The following BTBD9 variants were observed in gnomAD, a reference collection of about 807,000 sequenced individuals.
BTBD9 encodes BTB/POZ domain-containing protein 9.
A neutral mutation model predicts 64.3 loss-of-function variants in BTBD9; 49 were observed. The ratio of observed to expected loss-of-function variants is 0.76; its 90% CI spans 0.61 to 0.97. BTBD9 has a LOEUF of 0.97. Among genes scored for constraint, BTBD9 ranks in the 50% least tolerant of loss-of-function variants. The probability of loss-of-function intolerance (pLI) is 0.00; values close to 1 mark genes in which losing one functional copy is unlikely to be tolerated. For synonymous variants in BTBD9, 260 were observed against 274.7 expected, an observed-to-expected ratio of 0.95 and a Z score of 0.53; for missense variants, 598 against 762.1, an observed-to-expected ratio of 0.78 and a Z score of 2.53.
chr6:38,267,337 G>C (rs773365111), intron 8 of BTBD9, among the ~76,000 whole-genome samples: 3 of 152,240 alleles, frequency 2.0e-5, no homozygotes, highest in Non-Finnish European at 4.4e-5. Context: ...ACACATTAAA[G>C]AGCTCAAAAT....
In BTBD9 at chr6:38,586,364, C is replaced by T. The variant is rs190833142; in HGVS notation, c.815-5927G>A. 1.7e-3 allele frequency among the ~76,000 whole-genome samples: 258 copies of T among 151,762 alleles called. 1 individual carries two copies. Among genetic ancestry groups the T allele is most frequent in the African/African-American group, 6.0e-3 (247 of 41,384 alleles). ...GCATAAAACTAGTCTAAACTACCTT[C>T]CAGAAAGACCATCACAGATAAGTTT... On this transcript the variant is annotated intron_variant, in intron 4 of 10. Transcript: ENST00000481247.
rs1766823222 is a variant in BTBD9 at position 38,172,218 on chromosome 6, G to C, written c.*2767C>G. 6.6e-6 allele frequency: 1 copy of C among 152,376 alleles called. No individual in the cohort carries two copies. The highest frequency in any genetic ancestry group is 6.5e-5 in the Admixed American group (1 of 15,292). 9.4% of individuals were successfully genotyped at this position (152,376 alleles called of 1,614,324 possible). Reference sequence around the variant, plus strand: ...TGGGCTGAGGGCTCTGTGGTGCCCAGGAGCCCTCCCAGCCACGTGCCAGCC... The same window carrying C: ...TGGGCTGAGGGCTCTGTGGTGCCCACGAGCCCTCCCAGCCACGTGCCAGCC... On this transcript the variant is annotated 3_prime_UTR_variant, in exon 11 of 11. Transcript: ENST00000481247.
chr6:38,248,238 G>A (rs909095604), intron 9 of BTBD9, among the ~76,000 whole-genome samples: 1 of 152,096 alleles, frequency 6.6e-6, no homozygotes, highest in African/African-American at 2.4e-5. Flanking sequence ...TTACTCAGAA[G>A]GGAATTTAGA....
intron 6 of BTBD9, among the ~76,000 whole-genome samples, chr6:38,518,441 A>C (rs894642226): frequency 6.6e-6 from 1 of 152,200 alleles, no homozygotes; most frequent in African/African-American, 2.4e-5. Flanking sequence ...GGAGATCTCT[A>C]GGGAGATTCT....
intron 7 of BTBD9, among the ~76,000 whole-genome samples, chr6:38,301,861 C>T (rs1762415468): frequency 6.6e-6 from 1 of 152,218 alleles, no homozygotes; most frequent in East Asian, 1.9e-4. Context: ...CTATTTCCTT[C>T]AGTTCTGCTC....
At chr6:38,201,582 G>A (rs1762464071) in intron 9 of BTBD9, among the ~76,000 whole-genome samples, 1 of 152,184 alleles carries the variant, frequency 6.6e-6, no homozygotes, top group South Asian at 2.1e-4. Flanking sequence ...AGTACTAGAA[G>A]TCATAGGCAG....
intron 6 of BTBD9, among the ~76,000 whole-genome samples, chr6:38,366,893 G>A (rs558296192): frequency 6.6e-6 from 1 of 152,332 alleles, no homozygotes; most frequent in African/African-American, 2.4e-5. Flanking sequence ...CGCTGCATCG[G>A]TCTTTGGTTA....
intron 6 of BTBD9, among the ~76,000 whole-genome samples, chr6:38,490,686 TC>T (rs1402495389): frequency 6.6e-6 from 1 of 152,156 alleles, no homozygotes; most frequent in African/African-American, 2.4e-5. Context: ...TGCTAGATGT[TC>T]CAGGCTAGTC....
chr6:38,366,320 C>T (rs566369899), intron 6 of BTBD9, among the ~76,000 whole-genome samples: 66 of 152,270 alleles, frequency 4.3e-4, no homozygotes, highest in African/African-American at 1.4e-3. Flanking sequence ...CATACACAGG[C>T]ATTGCTCTGC....
At chr6:38,232,298 T>A (rs1233733763) in intron 9 of BTBD9, among the ~76,000 whole-genome samples, 1 of 151,046 alleles carries the variant, frequency 6.6e-6, no homozygotes, top group African/African-American at 2.4e-5. Context: ...TTAGACGGAG[T>A]CTCGCTCTGT....
chr6:38,469,358 G>A (rs943701877), intron 6 of BTBD9, among the ~76,000 whole-genome samples: 7 of 130,672 alleles, frequency 5.4e-5, no homozygotes, highest in Non-Finnish European at 7.7e-5. Flanking sequence ...TCGCTCTGTC[G>A]CCCAGGCTGG....
chr6:38,299,662 G>T (rs1471246534), intron 7 of BTBD9, among the ~76,000 whole-genome samples: 3 of 152,174 alleles, frequency 2.0e-5, no homozygotes, highest in East Asian at 3.8e-4. Context: ...CTTCTTTTGA[G>T]AAGTGTCTGT....
intron 6 of BTBD9, among the ~76,000 whole-genome samples, chr6:38,390,532 T>C (rs1260959866): frequency 2.0e-5 from 3 of 152,178 alleles, no homozygotes; most frequent in Non-Finnish European, 4.4e-5. Flanking sequence ...ATGTTCAAGA[T>C]ACTGAAATCT....
intron 9 of BTBD9, among the ~76,000 whole-genome samples, chr6:38,223,739 A>G (rs1763294736): frequency 6.6e-6 from 1 of 151,378 alleles, no homozygotes; most frequent in Non-Finnish European, 1.5e-5. Flanking sequence ...CATTTCTGCC[A>G]AACATTTTCT....
At chr6:38,348,097 T>A (rs1764358838) in intron 6 of BTBD9, among the ~76,000 whole-genome samples, 1 of 151,958 alleles carries the variant, frequency 6.6e-6, no homozygotes, top group Non-Finnish European at 1.5e-5. Flanking sequence ...ACAGGTACCA[T>A]CCTTGACAAC....
intron 8 of BTBD9, among the ~76,000 whole-genome samples, chr6:38,281,001 A>G (rs2127550952): frequency 6.6e-6 from 1 of 152,320 alleles, no homozygotes; most frequent in East Asian, 1.9e-4. Flanking sequence ...ACTATCTTCA[A>G]TTTGAGATTA....
intron 6 of BTBD9, among the ~76,000 whole-genome samples, chr6:38,576,477 T>C (rs1016223420): frequency 1.3e-5 from 2 of 152,234 alleles, no homozygotes; most frequent in African/African-American, 4.8e-5. Flanking sequence ...CGTTCTTTAC[T>C]GTACCAGAGG....
At chr6:38,560,985 G>A (rs1020045948) in intron 6 of BTBD9, among the ~76,000 whole-genome samples, 1 of 152,116 alleles carries the variant, frequency 6.6e-6, no homozygotes, top group Non-Finnish European at 1.5e-5. Flanking sequence ...GTCTACCATT[G>A]ATGGGCATTT....
At chr6:38,406,664 T>C (rs1027152407) in intron 6 of BTBD9, among the ~76,000 whole-genome samples, 1 of 152,206 alleles carries the variant, frequency 6.6e-6, no homozygotes, top group Non-Finnish European at 1.5e-5. Context: ...AAACTAAATT[T>C]CTACAGGTAT....
Sources: gnomAD v4.1 joint callset for allele counts (sites outside exome capture counted in the v4.1 genomes callset) on GRCh38, gnomAD v4.1.1 for gene constraint, MANE v1.5 for transcripts, NCBI Gene and HGNC (gene_info 2026-07-23, HGNC 2026-07-21) for gene names.